The following EGFLAM variants were observed in gnomAD, a reference collection of about 807,000 sequenced individuals.
EGFLAM encodes the protein EGF like, fibronectin type III and laminin G domains.
Under a neutral mutation model 113.1 loss-of-function variants are expected in EGFLAM, and 79 were observed. The ratio of observed to expected loss-of-function variants is 0.70; its 90% confidence interval spans 0.58 to 0.84. The LOEUF (loss-of-function observed/expected upper bound fraction) is 0.84. Ranked by LOEUF, EGFLAM falls within the 40% of genes least tolerant of loss-of-function variation. The probability of loss-of-function intolerance (pLI) is 0.00; values close to 1 mark genes in which losing one functional copy is unlikely to be tolerated. For synonymous variants in EGFLAM, 504 were observed against 487.6 expected, an observed-to-expected ratio of 1.03 and a Z score of -0.44; for missense variants, 1,265 against 1,291.6, an observed-to-expected ratio of 0.98 and a Z score of 0.32.
chr5:38,359,194 T>C (rs1298103677), intron 5 of EGFLAM, among the ~76,000 whole-genome samples: 1 of 152,160 alleles, frequency 6.6e-6, no homozygotes, highest in East Asian at 1.9e-4. Flanking sequence ...TCACTGAAGT[T>C]CCAATCGGGG....
rs146922907 is a variant in EGFLAM at position 38,436,616 on chromosome 5, G to A, written c.2283+1363G>A. Among the ~76,000 whole-genome samples, 539 of 152,256 alleles carry A rather than the reference G, an allele frequency of 3.5e-3. 2 individuals carry two copies. Among genetic ancestry groups the A allele is most frequent in the African/African-American group, 0.012 (506 of 41,542 alleles). On this transcript the variant is annotated intron_variant, in intron 16 of 21. Transcript: ENST00000322350. ...AGGAAACAAGCTGGGATGCTAAGAC[G>A]TTTCCCATCCTCTGCCCGCTCTTCT...
chr5:38,262,063 G>C (rs1290390262), intron 1 of EGFLAM, among the ~76,000 whole-genome samples: 1 of 152,204 alleles, frequency 6.6e-6, no homozygotes, highest in African/African-American at 2.4e-5. Flanking sequence ...GAAGTGAAAA[G>C]TCCTCATTTT....
At chr5:38,314,409 G>C (rs889372304) in intron 1 of EGFLAM, among the ~76,000 whole-genome samples, 1 of 152,200 alleles carries the variant, frequency 6.6e-6, no homozygotes, top group African/African-American at 2.4e-5. Flanking sequence ...TTTCAAGAGA[G>C]GGTCCGGCAG....
At chr5:38,390,201 C>A (rs1450571299) in intron 6 of EGFLAM, among the ~76,000 whole-genome samples, 2 of 152,154 alleles carry the variant, frequency 1.3e-5, no homozygotes, top group African/African-American at 4.8e-5. Context: ...TACCAACATG[C>A]ATATATTTAT....
intron 5 of EGFLAM, among the ~76,000 whole-genome samples, chr5:38,359,384 A>T (rs1179408175): frequency 6.6e-6 from 1 of 152,238 alleles, no homozygotes; most frequent in Non-Finnish European, 1.5e-5. Flanking sequence ...TTTAGTTAAA[A>T]GTCCACCATT....
intron 1 of EGFLAM, among the ~76,000 whole-genome samples, chr5:38,276,640 T>G (rs2111737339): frequency 6.6e-6 from 1 of 151,606 alleles, no homozygotes; most frequent in African/African-American, 2.4e-5. Flanking sequence ...AAAGAGTTGG[T>G]TTTTTTAAAA....
chr5:38,445,848 G>C (rs979286818), intron 17 of EGFLAM: 5 of 891,314 alleles, frequency 5.6e-6, no homozygotes, highest in Non-Finnish European at 9.1e-6. Flanking sequence ...CCAGCCAGAG[G>C]ACACTTCTCT....
chr5:38,305,029 TAA>T (rs1316819782), intron 1 of EGFLAM, among the ~76,000 whole-genome samples: 3 of 151,546 alleles, frequency 2.0e-5, no homozygotes, highest in African/African-American at 7.3e-5. Context: ...AACAAAAAAA[TAA>T]AGAGATGGCA....
rs1236052209 is a variant in EGFLAM at position 38,406,981 on chromosome 5, A to G, written c.982A>G (p.Ile328Val). The change falls in exon 8 of 22, where the codon ATA (isoleucine) becomes GTA (valine). Residue 328 changes from isoleucine (I) to valine (V), a missense_variant. Ile to Val is a conservative substitution (Grantham distance 29). Coordinates refer to ENST00000322350, the MANE Select transcript of EGFLAM (RefSeq NM_152403.4). ...VTTVAPQPIPIQRKGKNGVAI... is the reference protein window; with the variant it reads ...VTTVAPQPIPVQRKGKNGVAI... ...CACGGTGGCTCCCCAGCCCATTCCCATACAGAGAAAGGGGAAGAATGGTGT... is the reference window on the plus strand; with the variant it reads ...CACGGTGGCTCCCCAGCCCATTCCCGTACAGAGAAAGGGGAAGAATGGTGT... 4.3e-6 allele frequency: 7 copies of G among 1,614,138 alleles called. No homozygotes were observed. The highest frequency in any genetic ancestry group is 1.1e-5 in the South Asian group (1 of 91,068).
intron 6 of EGFLAM, among the ~76,000 whole-genome samples, chr5:38,384,871 A>C (rs1438451615): frequency 1.3e-5 from 2 of 152,154 alleles, no homozygotes; most frequent in Non-Finnish European, 2.9e-5. Context: ...TCCCCAAAGA[A>C]TATTTGGCAA....
intron 6 of EGFLAM, among the ~76,000 whole-genome samples, chr5:38,384,620 G>A (rs1312086307): frequency 2.6e-5 from 4 of 152,170 alleles, no homozygotes; most frequent in Admixed American, 2.0e-4. Context: ...CCACATGTGG[G>A]AAAATCCTGC....
intron 6 of EGFLAM, among the ~76,000 whole-genome samples, chr5:38,380,806 T>A (rs1740490397): frequency 6.6e-6 from 1 of 152,228 alleles, no homozygotes; most frequent in Non-Finnish European, 1.5e-5. Flanking sequence ...TACCTATTAA[T>A]TGCTCTTCTG....
At chr5:38,273,492 A>G (rs1042391844) in intron 1 of EGFLAM, among the ~76,000 whole-genome samples, 7 of 152,250 alleles carry the variant, frequency 4.6e-5, no homozygotes, top group Non-Finnish European at 2.9e-5. Context: ...TACTAGCTTC[A>G]GTGGCCATGG....
Position 38,337,521 on chromosome 5 carries a change from C to A in EGFLAM, c.99C>A (p.Gly33=). The A allele has an allele frequency of 6.3e-7, 1 of 1,593,408 alleles. No homozygotes were observed. The highest frequency in any genetic ancestry group is 8.6e-7 in the Non-Finnish European group (1 of 1,167,602). The change falls in exon 2 of 22, where the codon GGC becomes GGA. Residue 33 remains glycine (G), a splice_region_variant and synonymous_variant. Transcript: ENST00000322350. ...ACAATCTCTTTTGTTTGGGGGCAGG[C>A]AAGGTAGGGCCTCCTCTTGACATCA... ...VSLRAAIRKP[G]KVGPPLDIKL...
chr5:38,341,307 C>T (rs144050469), intron 3 of EGFLAM, among the ~76,000 whole-genome samples: 1 of 152,320 alleles, frequency 6.6e-6, no homozygotes, highest in Non-Finnish European at 1.5e-5. Flanking sequence ...AGGAGACGTA[C>T]AACCATGGCG....
At chr5:38,442,902 C>T (rs1174293746) in intron 17 of EGFLAM, among the ~76,000 whole-genome samples, 1 of 152,210 alleles carries the variant, frequency 6.6e-6, no homozygotes, top group Non-Finnish European at 1.5e-5. Flanking sequence ...GTAATGTCTG[C>T]AAAGACAAAC....
chr5:38,276,994 A>G (rs1247254584), intron 1 of EGFLAM, among the ~76,000 whole-genome samples: 1 of 152,194 alleles, frequency 6.6e-6, no homozygotes, highest in Non-Finnish European at 1.5e-5. Context: ...TTAAAGAAGA[A>G]CTAATACCTA....
chr5:38,370,201 A>C, intron 5 of EGFLAM, 95 bp from the exon 6 acceptor site: 1 of 1,267,754 alleles, frequency 7.9e-7, no homozygotes, highest in Non-Finnish European at 1.1e-6. Context: ...TATTGCTTCC[A>C]GAGTTCAAAT....
intron 6 of EGFLAM, among the ~76,000 whole-genome samples, chr5:38,392,633 G>A (rs1446526820): frequency 6.6e-6 from 1 of 150,734 alleles, no homozygotes; most frequent in Non-Finnish European, 1.5e-5. Flanking sequence ...TTTTTTTGGG[G>A]GGGCGGTTCT....
Sources: gnomAD v4.1 joint callset for allele counts (sites outside exome capture counted in the v4.1 genomes callset) on GRCh38, gnomAD v4.1.1 for gene constraint, MANE v1.5 for transcripts, NCBI Gene and HGNC (gene_info 2026-07-23, HGNC 2026-07-21) for gene names.